The following TRABD2B variants were observed in gnomAD, a reference collection of about 807,000 sequenced individuals.
TRABD2B encodes metalloprotease TIKI2.
TRABD2B carries 14 observed loss-of-function variants against 40.1 expected under a neutral mutation model. That is an observed-to-expected ratio of 0.35 (90% confidence interval 0.23 to 0.55). TRABD2B has a LOEUF of 0.55. Ranked by LOEUF, TRABD2B falls within the 20% of genes least tolerant of loss-of-function variation. The pLI, the probability that TRABD2B is intolerant of heterozygous loss-of-function variation, is 0.90. For missense variants in TRABD2B, 541 were observed against 648.6 expected, an observed-to-expected ratio of 0.83 and a Z score of 1.80; for synonymous variants, 263 against 277.0, an observed-to-expected ratio of 0.95 and a Z score of 0.50.
chr1:47,770,861 A>G (rs947082152), intron 6 of TRABD2B, among the ~76,000 whole-genome samples: 3 of 152,194 alleles, frequency 2.0e-5, no homozygotes, highest in African/African-American at 7.2e-5. Flanking sequence ...GAGACTCTGA[A>G]AGTCACAGGT....
intron 2 of TRABD2B, among the ~76,000 whole-genome samples, chr1:47,960,189 A>G (rs960902482): frequency 1.3e-5 from 2 of 152,220 alleles, no homozygotes; most frequent in East Asian, 3.8e-4. Context: ...AACTCTCAAT[A>G]AACTAGGTAT....
At chr1:47,972,899 C>T (rs975697110) in intron 2 of TRABD2B, among the ~76,000 whole-genome samples, 1 of 152,146 alleles carries the variant, frequency 6.6e-6, no homozygotes, top group Non-Finnish European at 1.5e-5. Flanking sequence ...GTAAATGAGG[C>T]ATCTCTAAGG....
chr1:47,804,718 T>A (rs1159402229), intron 2 of TRABD2B, among the ~76,000 whole-genome samples: 1 of 152,144 alleles, frequency 6.6e-6, no homozygotes, highest in Non-Finnish European at 1.5e-5. Flanking sequence ...TGGATAAGTG[T>A]TTGTTAAATA....
intron 4 of TRABD2B, among the ~76,000 whole-genome samples, chr1:47,792,437 GGGA>G (rs1220841291): frequency 6.6e-6 from 1 of 152,218 alleles, no homozygotes; most frequent in Non-Finnish European, 1.5e-5. Flanking sequence ...CAGGGAGGAG[GGGA>G]GGAGGCTGGG....
intron 2 of TRABD2B, among the ~76,000 whole-genome samples, chr1:47,845,128 C>T (rs1169228072): frequency 6.6e-6 from 1 of 152,084 alleles, no homozygotes; most frequent in Non-Finnish European, 1.5e-5. Flanking sequence ...AGCTTTGGCC[C>T]CTGTGTTCCA....
At chr1:47,776,922 C>G (rs1306977476) in intron 5 of TRABD2B, among the ~76,000 whole-genome samples, 1 of 152,168 alleles carries the variant, frequency 6.6e-6, no homozygotes, top group Non-Finnish European at 1.5e-5. Flanking sequence ...AGACAAAAAG[C>G]TAGATCCAGG....
intron 2 of TRABD2B, among the ~76,000 whole-genome samples, chr1:47,809,944 T>G (rs962736234): frequency 6.6e-5 from 10 of 152,216 alleles, no homozygotes; most frequent in African/African-American, 2.4e-4. Context: ...AAATATTTAT[T>G]GAGCACTTAT....
intron 4 of TRABD2B, among the ~76,000 whole-genome samples, chr1:47,787,378 G>T (rs753859609): frequency 1.3e-4 from 20 of 152,190 alleles, no homozygotes; most frequent in Admixed American, 2.6e-4. Flanking sequence ...GACAGAGGAG[G>T]AAAGACTCTG....
rs193216039 is a variant in TRABD2B at position 47,783,244 on chromosome 1, C to A, written c.989-4700G>T. On this transcript the variant is annotated intron_variant, in intron 4 of 6. Transcript: ENST00000606738. ...CAGGCAGTAAGAGACACAGAGACAA[C>A]AGTAGGGAGAGAGGGAAGAAGAGAC... 7.3e-5 allele frequency among the ~76,000 whole-genome samples: 11 copies of A among 151,174 alleles called. No individual in the cohort carries two copies. The East Asian group carries it at 9.8e-4, about 13-fold the overall frequency.
chr1:47,845,854 A>G (rs1197459652), intron 2 of TRABD2B, among the ~76,000 whole-genome samples: 1 of 152,234 alleles, frequency 6.6e-6, no homozygotes. Flanking sequence ...AAGGAAATGA[A>G]CACGTTTTAT....
At chr1:47,903,390 G>C (rs905184548) in intron 2 of TRABD2B, among the ~76,000 whole-genome samples, 2 of 152,152 alleles carry the variant, frequency 1.3e-5, no homozygotes, top group Non-Finnish European at 2.9e-5. Context: ...CTGTGCCTCA[G>C]GGTCTTGGTG....
chr1:47,798,411 G>A (rs1644776864), intron 3 of TRABD2B, among the ~76,000 whole-genome samples: 1 of 152,244 alleles, frequency 6.6e-6, no homozygotes, highest in African/African-American at 2.4e-5. Context: ...GGCTTCCAAG[G>A]GGAAGGCCTT....
intron 2 of TRABD2B, among the ~76,000 whole-genome samples, chr1:47,990,778 TA>T (rs1351446001): frequency 4.2e-3 from 17 of 4,010 alleles, no homozygotes; most frequent in Non-Finnish European, 7.6e-3. Flanking sequence ...GTTTTATATA[TA>T]TATATATATA....
intron 2 of TRABD2B, among the ~76,000 whole-genome samples, chr1:47,972,448 G>C (rs539369821): frequency 2.0e-5 from 3 of 152,150 alleles, no homozygotes; most frequent in African/African-American, 7.2e-5. Flanking sequence ...GGGGCCTCTG[G>C]GAGGTAATAG....
chr1:47,962,802 G>A (rs917989618), intron 2 of TRABD2B, among the ~76,000 whole-genome samples: 1 of 152,178 alleles, frequency 6.6e-6, no homozygotes, highest in Middle Eastern at 3.2e-3. Flanking sequence ...ATCTCACCCA[G>A]TGGGGCCACC....
At chr1:47,983,758 A>AAAG (rs1645876165) in intron 2 of TRABD2B, among the ~76,000 whole-genome samples, 1 of 86,106 alleles carries the variant, frequency 1.2e-5, no homozygotes, top group Non-Finnish European at 2.7e-5. Context: ...CAAAAAAAGA[A>AAAG]AAAAAAAAAA....
chr1:47,812,417 T>C (rs1644977539), intron 2 of TRABD2B, among the ~76,000 whole-genome samples: 1 of 151,954 alleles, frequency 6.6e-6, no homozygotes, highest in Non-Finnish European at 1.5e-5. Flanking sequence ...CAAAGATGAG[T>C]AGCGTTGAGA....
chr1:47,885,602 C>T (rs1160999149), intron 2 of TRABD2B, among the ~76,000 whole-genome samples: 1 of 152,144 alleles, frequency 6.6e-6, no homozygotes, highest in East Asian at 1.9e-4. Flanking sequence ...TGTGCTCTCC[C>T]CCCAAATCTC....
chr1:47,991,731 C>T lies in TRABD2B; in HGVS notation c.666+2303G>A, dbSNP rs558458504. ...TCCCGCCTTCTTCTCTCACTGTCTC[C>T]CCAACCCAAATATTTTGCAATAACA... On this transcript the variant is annotated intron_variant, in intron 2 of 6. Coordinates refer to ENST00000606738, the MANE Select transcript of TRABD2B (RefSeq NM_001194986.2). Among the ~76,000 whole-genome samples, 225 of 152,214 alleles carry T rather than the reference C, an allele frequency of 1.5e-3. 1 individual carries two copies. The highest frequency in any genetic ancestry group is 2.6e-3 in the Non-Finnish European group (177 of 68,030).
Sources: gnomAD v4.1 joint callset for allele counts (sites outside exome capture counted in the v4.1 genomes callset) on GRCh38, gnomAD v4.1.1 for gene constraint, MANE v1.5 for transcripts, NCBI Gene and HGNC (gene_info 2026-07-23, HGNC 2026-07-21) for gene names.